Variants in PICALM observed in about 807,000 individuals in gnomAD.
PICALM encodes the protein phosphatidylinositol binding clathrin assembly protein.
In PICALM, 40 loss-of-function variants were observed where a neutral mutation model predicts 80.5. The observed-to-expected ratio is 0.50, with a 90% CI of 0.39 to 0.65. PICALM has a LOEUF of 0.65. PICALM is among the 30% of genes least tolerant of loss of function. PICALM has a pLI of 0.00. For synonymous variants in PICALM, 288 were observed against 260.3 expected (o/e 1.11, Z -1.02); for missense variants, 676 against 778.9 (o/e 0.87, Z 1.57).
At chr11:86,003,547 G>T in intron 8 of PICALM, 96 bp from the exon 9 acceptor site, 2 of 642,772 alleles carry the variant, frequency 3.1e-6, no homozygotes, top group Non-Finnish European at 2.6e-6. Flanking sequence ...AAAATAAACA[G>T]GTATGTTCTT....
intron 1 of PICALM, among the ~76,000 whole-genome samples, chr11:86,058,389 A>G (rs1357373847): frequency 2.0e-5 from 3 of 152,218 alleles, no homozygotes; most frequent in Non-Finnish European, 2.9e-5. Flanking sequence ...TAGTGAGGAA[A>G]GAAGTTTTGG....
Position 85,958,354 on chromosome 11 carries a change from A to C in PICALM, c.*692T>G, listed in dbSNP as rs924761117. On this transcript the variant is annotated 3_prime_UTR_variant, in exon 20 of 20. Coordinates refer to ENST00000393346, the MANE Select transcript of PICALM (RefSeq NM_007166.4). ...CCTATGGACTTGCCTTAAAATATTTAGTGCTCTGTATGTCAGCTGAGAAAA... is the reference window on the plus strand; with the variant it reads ...CCTATGGACTTGCCTTAAAATATTTCGTGCTCTGTATGTCAGCTGAGAAAA... 1 of 213,536 alleles carries C rather than the reference A, an allele frequency of 4.7e-6. No homozygotes were observed. The highest frequency in any genetic ancestry group is 2.3e-5 in the African/African-American group (1 of 44,280). 13.2% of individuals were successfully genotyped at this position (213,536 alleles called of 1,614,324 possible).
chr11:85,981,139 G>A lies in PICALM; in HGVS notation c.1769C>T (p.Ala590Val), dbSNP rs1381076012. ...GCTTTTTCAACTCACCATTGTTGCA[G>A]CATTCCAAGCGGTTGTTGGTGCAAC... ...PKVAPTTAWN[A>V]ATMAPPVMAY... The change falls in exon 17 of 20, where the codon GCT (alanine) becomes GTT (valine). Residue 590 changes from alanine (A) to valine (V), a missense_variant. By Grantham distance (64) the Ala-to-Val change is moderately conservative (BLOSUM62 0). Coordinates refer to ENST00000393346, the MANE Select transcript of PICALM (RefSeq NM_007166.4). The A allele has an allele frequency of 2.6e-6, 4 of 1,563,300 alleles. No individual in the cohort carries two copies. The highest frequency in any genetic ancestry group is 2.2e-5 in the East Asian group (1 of 44,576).
intron 4 of PICALM, among the ~76,000 whole-genome samples, chr11:86,020,513 G>A (rs2095547509): frequency 1.3e-5 from 2 of 151,360 alleles, no homozygotes; most frequent in African/African-American, 4.8e-5. Context: ...TCAAGACAAT[G>A]TGGTACTGGC....
At chr11:86,017,591 C>T (rs1293292352) in intron 4 of PICALM, among the ~76,000 whole-genome samples, 1 of 152,156 alleles carries the variant, frequency 6.6e-6, no homozygotes, top group African/African-American at 2.4e-5. Flanking sequence ...TAATTAACAT[C>T]GTAATTTTAC....
At position 85,986,454 on chromosome 11, in the gene PICALM, A is replaced by G. The variant is rs539363119; in HGVS notation, c.1409-2481T>C. Among the ~76,000 whole-genome samples the G allele has an allele frequency of 3.8e-5, 5 of 132,642 alleles. No homozygotes were observed. The South Asian group carries it at 1.2e-3, about 32-fold the overall frequency. 87.0% of individuals were successfully genotyped at this position (132,642 alleles called of 152,430 possible). A position where few individuals can be genotyped will look rare whatever the true frequency, so the allele number is the denominator to read the frequency against. On this transcript the variant is annotated intron_variant, in intron 13 of 19. Transcript: ENST00000393346. ...GCCGGACTGCGGACTGCAGTGGCGC[A>G]ATCTCGGCTCACTGCAAGCTCCACT...
intron 11 of PICALM, 125 bp downstream of exon 11, chr11:86,000,518 G>T (rs931244950): frequency 4.7e-6 from 3 of 644,116 alleles, no homozygotes; most frequent in Non-Finnish European, 7.7e-6. Flanking sequence ...ACCATTTATC[G>T]CCACCTCTTT....
Position 85,981,025 on chromosome 11 carries a change from G to A in PICALM, c.1779+104C>T, listed in dbSNP as rs1449221838. ...ACAATTACTTATACTTCTAAACTCA[G>A]TAACAATCCTTCTATTTATGTCTAT... On this transcript the variant is annotated intron_variant, in intron 17 of 19. Transcript: ENST00000393346. 3 of 658,752 alleles carry A rather than the reference G, an allele frequency of 4.6e-6. No individual in the cohort carries two copies. In the Admixed American group the frequency reaches 7.8e-5, roughly 17 times the overall value. The allele number at this position is 658,752 out of a possible 1,614,324, so 40.8% of individuals were successfully genotyped here.
At chr11:86,028,838 CTTTTTT>C (rs71040205) in intron 2 of PICALM, among the ~76,000 whole-genome samples, 1 of 126,360 alleles carries the variant, frequency 7.9e-6, no homozygotes, top group Non-Finnish European at 1.7e-5. Flanking sequence ...TTTTAATTTT[CTTTTTT>C]TTTTTTTTTT....
At chr11:86,056,927 T>C (rs1473928564) in intron 1 of PICALM, among the ~76,000 whole-genome samples, 5 of 152,186 alleles carry the variant, frequency 3.3e-5, no homozygotes, top group South Asian at 2.1e-4. Context: ...AGGCCACATA[T>C]TGTATGACTC....
At chr11:86,063,520 T>G (rs3016786) in intron 1 of PICALM, among the ~76,000 whole-genome samples, 66,487 of 152,032 alleles carry the variant, frequency 0.44, 14,735 homozygotes, top group East Asian at 0.6. Flanking sequence ...TAAGTTCTCT[T>G]TAGAGTTCCT....
Position 86,064,651 on chromosome 11 carries a change from T to TAA in PICALM, c.130+3998_130+3999dup, listed in dbSNP as rs11403335. ...CAACAGAGTAAGACCCACCTCATTT[T>TAA]AAAAAAAAAAAAAAAAAAGGAGACA... On this transcript the variant is annotated intron_variant, in intron 1 of 19. Coordinates refer to ENST00000393346, the MANE Select transcript of PICALM (RefSeq NM_007166.4). Among the ~76,000 whole-genome samples the TAA allele has an allele frequency of 8.9e-3, 1,132 of 127,118 alleles. 12 individuals carry two copies. The highest frequency in any genetic ancestry group is 0.011 in the Non-Finnish European group (699 of 60,816). 83.4% of individuals were successfully genotyped at this position (127,118 alleles called of 152,430 possible). A position where few individuals can be genotyped will look rare whatever the true frequency, so the allele number is the denominator to read the frequency against.
chr11:86,007,611 AT>A, intron 7 of PICALM, 28 bp from the exon 8 acceptor site: 1 of 1,113,444 alleles, frequency 9.0e-7, no homozygotes, highest in Non-Finnish European at 1.3e-6. Flanking sequence ...TATTTAATAA[AT>A]TATAATAAAA....
At chr11:85,992,431 C>T (rs1360912879) in intron 12 of PICALM, among the ~76,000 whole-genome samples, 1 of 151,828 alleles carries the variant, frequency 6.6e-6, no homozygotes, top group African/African-American at 2.4e-5. Flanking sequence ...ATTACAGGCG[C>T]GTGCCACCAC....
intron 1 of PICALM, among the ~76,000 whole-genome samples, chr11:86,039,046 G>C (rs188025441): frequency 3.3e-5 from 5 of 152,074 alleles, no homozygotes; most frequent in Admixed American, 1.3e-4. Context: ...GGGAGGCAGA[G>C]GTTGTGGTGA....
chr11:86,008,566 G>A (rs1219674620), intron 7 of PICALM, among the ~76,000 whole-genome samples: 3 of 151,922 alleles, frequency 2.0e-5, no homozygotes, highest in African/African-American at 7.3e-5. Context: ...GGTGCAGTGA[G>A]CAGAGATTGC....
At chr11:85,959,873 T>G (rs981578779) in intron 19 of PICALM, among the ~76,000 whole-genome samples, 1 of 151,772 alleles carries the variant, frequency 6.6e-6, no homozygotes, top group African/African-American at 2.4e-5. Flanking sequence ...AGCAACCACA[T>G]CCAGGCCAAA....
chr11:85,982,091 G>C, intron 14 of PICALM, 88 bp from the exon 15 acceptor site: 1 of 1,184,372 alleles, frequency 8.4e-7, no homozygotes, highest in Non-Finnish European at 1.2e-6. Flanking sequence ...TTTTCTCCTT[G>C]TTTATTCACT....
At chr11:86,011,851 G>GTT (rs71040204) in intron 6 of PICALM, among the ~76,000 whole-genome samples, 12,375 of 132,716 alleles carry the variant, frequency 0.093, 742 homozygotes, top group South Asian at 0.15. Flanking sequence ...TATCCTTTTT[G>GTT]TTTTTTTTTT....
Sources: gnomAD v4.1 joint callset for allele counts (sites outside exome capture counted in the v4.1 genomes callset) on GRCh38, gnomAD v4.1.1 for gene constraint, MANE v1.5 for transcripts, NCBI Gene and HGNC (gene_info 2026-07-23, HGNC 2026-07-21) for gene names.